SLC25A42: variants seen among roughly 807,000 people sequenced by gnomAD.
The protein encoded by SLC25A42 is solute carrier family 25 member 42.
Under a neutral mutation model 34.7 loss-of-function variants are expected in SLC25A42, and 19 were observed. That is an observed-to-expected ratio of 0.55 (90% confidence interval 0.38 to 0.80). The LOEUF is 0.80. Ranked by LOEUF, SLC25A42 falls within the 30% of genes least tolerant of loss-of-function variation. SLC25A42 has a pLI of 0.00. For missense variants in SLC25A42, 364 were observed against 441.3 expected, an observed-to-expected ratio of 0.82 and a Z score of 1.57; for synonymous variants, 205 against 191.2, an observed-to-expected ratio of 1.07 and a Z score of -0.59.
Position 19,110,568 on chromosome 19 carries a change from GA to G in SLC25A42, c.650del (p.Glu217GlyfsTer14). The G allele has an allele frequency of 7.1e-7, 1 of 1,415,852 alleles. No individual in the cohort carries two copies. The highest frequency in any genetic ancestry group is 2.8e-5 in the East Asian group (1 of 35,878). 87.7% of individuals were successfully genotyped at this position (1,415,852 alleles called of 1,614,324 possible). A position where few individuals can be genotyped will look rare whatever the true frequency, so the allele number is the denominator to read the frequency against. On this transcript the variant is annotated frameshift_variant and splice_region_variant, in exon 8 of 8. Transcript: ENST00000318596. LOFTEE classifies it high-confidence loss of function. ...TYETLKSLHR[E>X]YSGRRQPYPF... ...CGGCCCTCCCGCCCCTCGCCCTGCA[GA>G]GTACAGCGGCCGCCGGCAGCCCTAC...
chr19:19,073,106 C>A (rs1272796347), intron 1 of SLC25A42, among the ~76,000 whole-genome samples: 1 of 152,202 alleles, frequency 6.6e-6, no homozygotes, highest in African/African-American at 2.4e-5. Context: ...TGCTGTGTGG[C>A]TATGAGGAAG....
chr19:19,069,122 C>T lies in SLC25A42; in HGVS notation c.-35+5007C>T, dbSNP rs567150014. Among the ~76,000 whole-genome samples, 12 of 152,186 alleles carry T rather than the reference C, an allele frequency of 7.9e-5. No homozygotes were observed. The South Asian group carries it at 2.5e-3, about 32-fold the overall frequency. On this transcript the variant is annotated intron_variant, in intron 1 of 7. Coordinates refer to ENST00000318596, the MANE Select transcript of SLC25A42 (RefSeq NM_178526.5). The stretch of plus-strand genomic sequence containing the variant: ...CCCAACTCAGGAAGTAGAACGATGT[C>T]CCCTGGAGGCCCCACCCTGTTCACA...
chr19:19,079,970 A>G (rs1005440296), intron 1 of SLC25A42, among the ~76,000 whole-genome samples: 4 of 152,222 alleles, frequency 2.6e-5, no homozygotes, highest in Non-Finnish European at 4.4e-5. Flanking sequence ...AGGAACCTCC[A>G]GGCTGATTTC....
rs1200312740 is a variant in SLC25A42 at position 19,112,573 on chromosome 19, G to C, written c.*1697G>C. ...CCAGGTGGGTGAGACCAAATGAGTG[G>C]ATTTGGGGCCACAGGCTAGGCAGGA... On this transcript the variant is annotated 3_prime_UTR_variant, in exon 8 of 8. Transcript: ENST00000318596. This position sits in a 1 kb window ranked among gnomAD's most constrained non-coding sequence, Gnocchi z 4.3. 1 of 152,394 alleles carries C rather than the reference G, an allele frequency of 6.6e-6. No individual in the cohort carries two copies. The highest frequency in any genetic ancestry group is 1.5e-5 in the Non-Finnish European group (1 of 68,112). 9.4% of individuals were successfully genotyped at this position (152,394 alleles called of 1,614,324 possible). A position where few individuals can be genotyped will look rare whatever the true frequency, so the allele number is the denominator to read the frequency against.
chr19:19,096,944 A>G (rs1210945154), intron 2 of SLC25A42, among the ~76,000 whole-genome samples: 1 of 151,728 alleles, frequency 6.6e-6, no homozygotes, highest in African/African-American at 2.4e-5. Context: ...CTCAAAAACA[A>G]AAAAAAAGAG....
intron 6 of SLC25A42, 52 bp downstream of exon 6, chr19:19,106,437 G>C (rs1196989675): frequency 6.8e-7 from 1 of 1,466,140 alleles, no homozygotes; most frequent in Non-Finnish European, 9.3e-7. Flanking sequence ...CTGTGTCTCG[G>C]GGGCTCCCAG....
chr19:19,107,943 C>A lies in SLC25A42; in HGVS notation c.547C>A (p.Leu183Met). 6.2e-7 allele frequency: 1 copy of A among 1,614,152 alleles called. No homozygotes were observed. The highest frequency in any genetic ancestry group is 1.1e-5 in the South Asian group (1 of 91,082). The change falls in exon 7 of 8, where the codon CTG (leucine) becomes ATG (methionine). Residue 183 changes from leucine (L) to methionine (M), a missense_variant. Coordinates refer to ENST00000318596, the MANE Select transcript of SLC25A42 (RefSeq NM_178526.5). ...VFIRISREEG[L>M]KTLYHGFMPT... ...CATCCGCATCTCGAGAGAAGAGGGG[C>A]TGAAGACTCTCTACCATGGATTTAT...
intron 1 of SLC25A42, among the ~76,000 whole-genome samples, chr19:19,095,047 A>T (rs537674525): frequency 6.6e-6 from 1 of 152,106 alleles, no homozygotes; most frequent in South Asian, 2.1e-4. Context: ...ATAAAAAAAT[A>T]AAAAATAGCT....
chr19:19,091,321 G>A (rs891862288), intron 1 of SLC25A42, among the ~76,000 whole-genome samples: 1 of 152,068 alleles, frequency 6.6e-6, no homozygotes, highest in African/African-American at 2.4e-5. Flanking sequence ...AGCCGGGCAT[G>A]GTGGTGCGCG....
At chr19:19,105,398 A>C (rs1205300197) in intron 4 of SLC25A42, among the ~76,000 whole-genome samples, 163 bp from the exon 5 acceptor site, 1 of 151,986 alleles carries the variant, frequency 6.6e-6, no homozygotes, top group Non-Finnish European at 1.5e-5. Flanking sequence ...CAGTCTGGAC[A>C]AATCGGGGTG....
chr19:19,098,646 C>T (rs115205452), intron 2 of SLC25A42, among the ~76,000 whole-genome samples: 3,990 of 151,944 alleles, frequency 0.026, 189 homozygotes, highest in African/African-American at 0.091. Context: ...TGGCTGGGCC[C>T]GCTGGCTCTC....
intron 1 of SLC25A42, among the ~76,000 whole-genome samples, chr19:19,093,378 A>G (rs1159801783): frequency 6.6e-6 from 1 of 152,228 alleles, no homozygotes; most frequent in Non-Finnish European, 1.5e-5. Flanking sequence ...GACACCGCAC[A>G]CATCTAGCGT....
chr19:19,068,861 T>C (rs1348393928), intron 1 of SLC25A42, among the ~76,000 whole-genome samples: 1 of 147,584 alleles, frequency 6.8e-6, no homozygotes, highest in African/African-American at 2.5e-5. Flanking sequence ...AATAAATAAA[T>C]AAATAAATAA....
chr19:19,070,623 T>C (rs554748901), intron 1 of SLC25A42, among the ~76,000 whole-genome samples: 11 of 152,260 alleles, frequency 7.2e-5, no homozygotes, highest in Middle Eastern at 3.4e-3. Context: ...CACTAGTCCT[T>C]GGGTTTAGGG....
chr19:19,083,452 G>C (rs961804384), intron 1 of SLC25A42, among the ~76,000 whole-genome samples: 1 of 152,228 alleles, frequency 6.6e-6, no homozygotes, highest in Non-Finnish European at 1.5e-5. Flanking sequence ...CCATTATGGT[G>C]GTCCTTAAGG....
chr19:19,070,793 C>G (rs1568506202), intron 1 of SLC25A42, among the ~76,000 whole-genome samples: 1 of 152,260 alleles, frequency 6.6e-6, no homozygotes, highest in Non-Finnish European at 1.5e-5. Flanking sequence ...TTATTTCCAA[C>G]AGGACATTAT....
chr19:19,103,542 G>A (rs1298469329), intron 3 of SLC25A42, among the ~76,000 whole-genome samples: 4 of 152,192 alleles, frequency 2.6e-5, no homozygotes, highest in Non-Finnish European at 5.9e-5. Context: ...CTCAGACATA[G>A]CTTTTCAGAG....
At chr19:19,093,804 A>G (rs1193728741) in intron 1 of SLC25A42, among the ~76,000 whole-genome samples, 1 of 152,126 alleles carries the variant, frequency 6.6e-6, no homozygotes, top group Non-Finnish European at 1.5e-5. Context: ...CAGCCTCCTG[A>G]GTAGCTGAGA....
chr19:19,103,885 C>CTTATTTATTTATTTATTTAT (rs3040514), intron 3 of SLC25A42, among the ~76,000 whole-genome samples: 1 of 148,410 alleles, frequency 6.7e-6, no homozygotes, highest in African/African-American at 2.5e-5. Context: ...AAGGGACAGC[C>CTTATTTATTTATTTATTTAT]TTATTTATTT....
Sources: allele counts gnomAD v4.1 joint callset (sites outside exome capture counted in the v4.1 genomes callset), GRCh38; gene constraint gnomAD v4.1.1; non-coding constraint Gnocchi (gnomAD v3.1); transcripts MANE v1.5; gene names NCBI Gene and HGNC (gene_info 2026-07-23, HGNC 2026-07-21).